MYLK: variants seen among roughly 807,000 people sequenced by gnomAD.
MYLK encodes myosin light chain kinase.
MYLK carries 106 observed loss-of-function variants against 203.4 expected under a neutral mutation model. The observed-to-expected ratio is 0.52, with a 90% CI of 0.45 to 0.61. The LOEUF (loss-of-function observed/expected upper bound fraction) is 0.61, where lower values mean the gene tolerates loss of function less well. Among genes scored for constraint, MYLK ranks in the 20% least tolerant of loss-of-function variants. The pLI, the probability that MYLK is intolerant of heterozygous loss-of-function variation, is 0.00. For missense variants in MYLK, 2,072 were observed against 2,442.3 expected, an observed-to-expected ratio of 0.85 and a Z score of 3.20; for synonymous variants, 867 against 959.5, an observed-to-expected ratio of 0.90 and a Z score of 1.78.
chr3:123,747,484 C>T (rs1222810030), intron 5 of MYLK, among the ~76,000 whole-genome samples: 2 of 152,144 alleles, frequency 1.3e-5, no homozygotes, highest in Non-Finnish European at 1.5e-5. Flanking sequence ...TTTTCAGCAG[C>T]CCTCCGGGTG....
chr3:123,857,910 G>A (rs1297337531), intron 2 of MYLK, among the ~76,000 whole-genome samples: 1 of 152,174 alleles, frequency 6.6e-6, no homozygotes, highest in Non-Finnish European at 1.5e-5. Context: ...CACTGGGCCT[G>A]TCACCCTGGC....
At chr3:123,655,662 G>A (rs2059369526) in intron 24 of MYLK, among the ~76,000 whole-genome samples, 1 of 152,154 alleles carries the variant, frequency 6.6e-6, no homozygotes, top group South Asian at 2.1e-4. Context: ...CTAACCAAAG[G>A]AGCACAAGCT....
chr3:123,687,035 A>G (rs1265548023), intron 19 of MYLK, among the ~76,000 whole-genome samples: 2 of 152,126 alleles, frequency 1.3e-5, no homozygotes, highest in East Asian at 3.9e-4. Flanking sequence ...CAGACTGGCC[A>G]ACATGGTGAA....
At position 123,614,028 on chromosome 3, in the gene MYLK, G is replaced by GTTTT. The variant is rs35930843; in HGVS notation, c.*73_*76dup. The GTTTT allele has an allele frequency of 1.1e-4, 136 of 1,291,496 alleles. No homozygotes were observed. Among genetic ancestry groups the GTTTT allele is most frequent in the South Asian group, 2.0e-4 (15 of 75,186 alleles). 80.0% of individuals were successfully genotyped at this position (1,291,496 alleles called of 1,614,324 possible). A position where few individuals can be genotyped will look rare whatever the true frequency, so the allele number is the denominator to read the frequency against. The stretch of plus-strand genomic sequence containing the variant: ...ACACTAGGTGCTTTTACTATCTTGA[G>GTTTT]TTTTTTTTTTTTTTTTGAGTTTTAG... On this transcript the variant is annotated 3_prime_UTR_variant, in exon 34 of 34. Transcript: ENST00000360304.
intron 6 of MYLK, among the ~76,000 whole-genome samples, chr3:123,739,605 A>C (rs1382184408): frequency 6.6e-6 from 1 of 152,206 alleles, no homozygotes; most frequent in African/African-American, 2.4e-5. Flanking sequence ...CCCTGGGTTG[A>C]GCCACTGTGA....
intron 12 of MYLK, among the ~76,000 whole-genome samples, chr3:123,725,704 A>G (rs2062253548): frequency 6.6e-6 from 1 of 152,250 alleles, no homozygotes; most frequent in Non-Finnish European, 1.5e-5. Context: ...ACCACCCTGC[A>G]CATAGGCAGC....
chr3:123,628,689 C>A (rs1486099015), intron 30 of MYLK, among the ~76,000 whole-genome samples: 6 of 152,214 alleles, frequency 3.9e-5, no homozygotes, highest in African/African-American at 7.2e-5. Flanking sequence ...TCTAGGCACA[C>A]CCACTGCCCA....
chr3:123,679,699 C>G (rs1394759719), intron 20 of MYLK, among the ~76,000 whole-genome samples: 1 of 152,190 alleles, frequency 6.6e-6, no homozygotes, highest in Admixed American at 6.5e-5. Flanking sequence ...TTAATCCAGT[C>G]ATGAATGTGT....
intron 4 of MYLK, among the ~76,000 whole-genome samples, chr3:123,757,420 C>T (rs767872411): frequency 6.6e-6 from 1 of 152,158 alleles, no homozygotes; most frequent in Non-Finnish European, 1.5e-5. Context: ...GCAATGCACA[C>T]ACTACAAACC....
At chr3:123,803,817 C>T (rs1276959995) in intron 3 of MYLK, among the ~76,000 whole-genome samples, 6 of 152,248 alleles carry the variant, frequency 3.9e-5, no homozygotes, top group Admixed American at 3.9e-4. Context: ...ACTCTGAGGG[C>T]TGGGTCAGTC....
intron 4 of MYLK, among the ~76,000 whole-genome samples, chr3:123,758,394 A>G (rs1349177543): frequency 2.0e-5 from 3 of 152,236 alleles, no homozygotes; most frequent in Admixed American, 6.5e-5. Flanking sequence ...TCCAACTTGT[A>G]AACCAATGAG....
At chr3:123,874,394 G>C (rs73857538) in intron 2 of MYLK, among the ~76,000 whole-genome samples, 44 of 152,248 alleles carry the variant, frequency 2.9e-4, no homozygotes, top group African/African-American at 1.1e-3. Flanking sequence ...ATAAGAGAAG[G>C]ATAATCTTTT....
intron 4 of MYLK, 127 bp from the exon 5 acceptor site, chr3:123,752,665 AT>A: frequency 1.0e-6 from 1 of 971,506 alleles, no homozygotes; most frequent in Non-Finnish European, 1.6e-6. Context: ...TTTCATCCTC[AT>A]TTTACAGATA....
At chr3:123,740,864 G>A (rs367797910) in intron 5 of MYLK, among the ~76,000 whole-genome samples, 2 of 152,218 alleles carry the variant, frequency 1.3e-5, no homozygotes, top group East Asian at 3.9e-4. Flanking sequence ...CTAGGCAGGA[G>A]GCCATTAAAT....
At chr3:123,792,471 C>A (rs1200673219) in intron 4 of MYLK, among the ~76,000 whole-genome samples, 4 of 152,158 alleles carry the variant, frequency 2.6e-5, no homozygotes, top group Non-Finnish European at 5.9e-5. Context: ...CCCCTGGTGA[C>A]CACCTTTCTA....
chr3:123,865,567 T>G (rs1161575061), intron 2 of MYLK, among the ~76,000 whole-genome samples: 1 of 152,208 alleles, frequency 6.6e-6, no homozygotes, highest in Admixed American at 6.5e-5. Context: ...ATGTGCTAGG[T>G]GCTTCAAAAA....
At chr3:123,723,883 T>A (rs1401846908) in intron 12 of MYLK, among the ~76,000 whole-genome samples, 2 of 151,700 alleles carry the variant, frequency 1.3e-5, no homozygotes, top group African/African-American at 4.8e-5. Context: ...GCCTGCAAGC[T>A]AAGAATAGTT....
chr3:123,626,754 A>C, intron 31 of MYLK, 64 bp downstream of exon 31: 1 of 1,612,122 alleles, frequency 6.2e-7, no homozygotes, highest in Non-Finnish European at 8.5e-7. Flanking sequence ...GCTGGGAATG[A>C]AAGTGGCTTG....
At chr3:123,858,718 G>A (rs1405739309) in intron 2 of MYLK, among the ~76,000 whole-genome samples, 1 of 152,038 alleles carries the variant, frequency 6.6e-6, no homozygotes, top group Non-Finnish European at 1.5e-5. Flanking sequence ...CATTCATGAA[G>A]GCAGAGCCCA....
Sources: gnomAD v4.1 joint callset for allele counts (sites outside exome capture counted in the v4.1 genomes callset) on GRCh38, gnomAD v4.1.1 for gene constraint, MANE v1.5 for transcripts, NCBI Gene and HGNC (gene_info 2026-07-23, HGNC 2026-07-21) for gene names.